The following FBXL17 variants were observed in gnomAD, a reference collection of about 807,000 sequenced individuals.
FBXL17 encodes the protein F-box/LRR-repeat protein 17.
In FBXL17, 22 loss-of-function variants were observed where a neutral mutation model predicts 66.2. That is an observed-to-expected ratio of 0.33 (90% CI 0.24 to 0.47). FBXL17 has a LOEUF of 0.47. Ranked by LOEUF, FBXL17 falls within the 20% of genes least tolerant of loss-of-function variation. FBXL17 has a pLI of 1.00. For synonymous variants in FBXL17, 474 were observed against 400.5 expected, an observed-to-expected ratio of 1.18 and a Z score of -2.19; for missense variants, 878 against 948.2, an observed-to-expected ratio of 0.93 and a Z score of 0.97.
chr5:108,007,013 T>C (rs1032513727), intron 7 of FBXL17, among the ~76,000 whole-genome samples: 2 of 152,246 alleles, frequency 1.3e-5, no homozygotes, highest in African/African-American at 4.8e-5. Context: ...TTTTGATAGT[T>C]ATGAATTATA....
At chr5:108,307,245 A>T (rs1372981379) in intron 4 of FBXL17, among the ~76,000 whole-genome samples, 1 of 152,118 alleles carries the variant, frequency 6.6e-6, no homozygotes, top group Non-Finnish European at 1.5e-5. Flanking sequence ...AATTTAAGTT[A>T]GTGACCTTTA....
chr5:107,939,332 A>G (rs931590359), intron 7 of FBXL17, among the ~76,000 whole-genome samples: 1 of 152,108 alleles, frequency 6.6e-6, no homozygotes, highest in African/African-American at 2.4e-5. Flanking sequence ...AGACTTGACA[A>G]TCCTCGTGCT....
At chr5:108,290,645 T>C (rs1023352544) in intron 4 of FBXL17, among the ~76,000 whole-genome samples, 3 of 152,198 alleles carry the variant, frequency 2.0e-5, no homozygotes, top group Non-Finnish European at 2.9e-5. Context: ...ATAGAAACTA[T>C]AGAACAGAAA....
chr5:108,091,560 A>G (rs1333078685), intron 6 of FBXL17, among the ~76,000 whole-genome samples: 1 of 151,698 alleles, frequency 6.6e-6, no homozygotes, highest in Non-Finnish European at 1.5e-5. Context: ...CTTTTTTATT[A>G]TTTGCTTCTC....
chr5:107,903,217 C>T (rs1020817998), intron 7 of FBXL17, among the ~76,000 whole-genome samples: 10 of 151,972 alleles, frequency 6.6e-5, no homozygotes, highest in Non-Finnish European at 1.5e-4. Flanking sequence ...TTATTTTTTG[C>T]TTTTGATTTT....
chr5:108,219,928 C>CTTTTTTTTTTTTTTTTTTTTTTTTT, intron 5 of FBXL17, among the ~76,000 whole-genome samples: 11 of 37,438 alleles, frequency 2.9e-4, no homozygotes, highest in East Asian at 1.4e-3. Context: ...TTACTATTTC[C>CTTTTTTTTTTTTTTTTTTTTTTTTT]TTTTTTTTTT....
intron 7 of FBXL17, among the ~76,000 whole-genome samples, chr5:108,007,533 G>T (rs760762249): frequency 1.4e-5 from 2 of 145,752 alleles, no homozygotes; most frequent in Admixed American, 6.9e-5. Context: ...TCTTAAAGGT[G>T]AAAAAAAAAA....
chr5:108,313,254 T>C (rs574966508), intron 4 of FBXL17, among the ~76,000 whole-genome samples: 45 of 152,232 alleles, frequency 3.0e-4, no homozygotes, highest in African/African-American at 1.0e-3. Context: ...GTACCAGTGA[T>C]CACAACTTCT....
chr5:108,193,234 A>G (rs1428608199), intron 5 of FBXL17, among the ~76,000 whole-genome samples: 1 of 152,170 alleles, frequency 6.6e-6, no homozygotes, highest in Non-Finnish European at 1.5e-5. Flanking sequence ...CTAATCCGCC[A>G]AACAGCTGTC....
At chr5:107,917,140 T>C (rs1277759108) in intron 7 of FBXL17, among the ~76,000 whole-genome samples, 1 of 152,204 alleles carries the variant, frequency 6.6e-6, no homozygotes, top group African/African-American at 2.4e-5. Flanking sequence ...GCCACTACTA[T>C]TACAATTACA....
intron 6 of FBXL17, among the ~76,000 whole-genome samples, chr5:108,151,851 G>C (rs1374347587): frequency 6.6e-6 from 1 of 152,150 alleles, no homozygotes; most frequent in Non-Finnish European, 1.5e-5. Flanking sequence ...ATGCTCCAAT[G>C]ACATTCTTTA....
chr5:108,286,358 G>A (rs1172743831), intron 4 of FBXL17, among the ~76,000 whole-genome samples: 1 of 151,802 alleles, frequency 6.6e-6, no homozygotes, highest in African/African-American at 2.4e-5. Context: ...AACTATCCCT[G>A]TTGCAGACTA....
chr5:108,115,371 A>T (rs1750203640), intron 6 of FBXL17, among the ~76,000 whole-genome samples: 1 of 151,926 alleles, frequency 6.6e-6, no homozygotes, highest in Non-Finnish European at 1.5e-5. Context: ...ATAGTATTTA[A>T]AATTTTTTTT....
At chr5:108,156,875 A>C (rs985351271) in intron 6 of FBXL17, among the ~76,000 whole-genome samples, 4 of 151,988 alleles carry the variant, frequency 2.6e-5, no homozygotes, top group Non-Finnish European at 4.4e-5. Flanking sequence ...TTTGCATGGC[A>C]AACAGACACC....
intron 4 of FBXL17, among the ~76,000 whole-genome samples, chr5:108,274,060 AAAAT>A (rs2150141425): frequency 6.6e-6 from 1 of 152,338 alleles, no homozygotes; most frequent in Non-Finnish European, 1.5e-5. Flanking sequence ...GAAAGAATGA[AAAAT>A]AATTAAAGAC....
chr5:107,868,517 G>A (rs913542199), intron 8 of FBXL17, among the ~76,000 whole-genome samples: 7 of 152,340 alleles, frequency 4.6e-5, no homozygotes, highest in Admixed American at 1.3e-4. Flanking sequence ...TAGGCCATCC[G>A]TGACTACGCC....
chr5:108,003,280 A>G (rs370186069), intron 7 of FBXL17, among the ~76,000 whole-genome samples: 31 of 152,312 alleles, frequency 2.0e-4, no homozygotes, highest in African/African-American at 7.2e-4. Context: ...ACCCCTGCCC[A>G]AGAACTGAAA....
At chr5:107,891,822 T>A (rs927092580) in intron 7 of FBXL17, among the ~76,000 whole-genome samples, 1 of 152,166 alleles carries the variant, frequency 6.6e-6, no homozygotes, top group African/African-American at 2.4e-5. Flanking sequence ...CTTATTAATC[T>A]TTGCGTCATC....
intron 4 of FBXL17, among the ~76,000 whole-genome samples, chr5:108,331,062 T>C (rs1760100463): frequency 6.6e-6 from 1 of 151,926 alleles, no homozygotes; most frequent in Admixed American, 6.6e-5. Flanking sequence ...CAAAAAAAAA[T>C]GTATTCTATA....
Sources: allele counts gnomAD v4.1 joint callset (sites outside exome capture counted in the v4.1 genomes callset), GRCh38; gene constraint gnomAD v4.1.1; transcripts MANE v1.5; gene names NCBI Gene and HGNC (gene_info 2026-07-23, HGNC 2026-07-21).